CFL1: variants seen among roughly 807,000 people sequenced by gnomAD.
The protein encoded by CFL1 is cofilin-1.
Under a neutral mutation model 16.3 loss-of-function variants are expected in CFL1, and 2 were observed. That is an observed-to-expected ratio of 0.12 (90% confidence interval 0.05 to 0.39). The LOEUF (loss-of-function observed/expected upper bound fraction) is 0.39, where lower values mean the gene tolerates loss of function less well. CFL1 is among the 10% of genes least tolerant of loss of function. The pLI, the probability that CFL1 is intolerant of heterozygous loss-of-function variation, is 0.99. For synonymous variants in CFL1, 111 were observed against 84.4 expected, an observed-to-expected ratio of 1.31 and a Z score of -1.73; for missense variants, 75 against 212.2, an observed-to-expected ratio of 0.35 and a Z score of 4.02.
rs904038941 is a variant in CFL1 at position 65,854,902 on chromosome 11, C to G, written c.*434G>C. Reference sequence around the variant, plus strand: ...GTGACCAGGGGAAAAGGGAGAGGAACCAGCCGGCACAGGGAGGGGTCATCT... The same window carrying G: ...GTGACCAGGGGAAAAGGGAGAGGAAGCAGCCGGCACAGGGAGGGGTCATCT... On this transcript the variant is annotated 3_prime_UTR_variant, in exon 4 of 4. Coordinates refer to ENST00000308162, the MANE Select transcript of CFL1 (RefSeq NM_005507.3). 2 of 157,648 alleles carry G rather than the reference C, an allele frequency of 1.3e-5. No homozygotes were observed. The highest frequency in any genetic ancestry group is 4.8e-5 in the African/African-American group (2 of 41,402). The allele number at this position is 157,648 out of a possible 1,614,324, so 9.8% of individuals were successfully genotyped here.
intron 1 of CFL1, 52 bp from the exon 2 acceptor site, chr11:65,856,294 CTTG>C: frequency 1.3e-6 from 2 of 1,557,800 alleles, no homozygotes; most frequent in South Asian, 2.3e-5. Context: ...GGAACTGCCC[CTTG>C]TTTTTTCAGA....
At chr11:65,856,278 T>C in intron 1 of CFL1, 36 bp from the exon 2 acceptor site, 2 of 1,591,578 alleles carry the variant, frequency 1.3e-6, no homozygotes, top group African/African-American at 2.7e-5. Flanking sequence ...AAGAAAAGGA[T>C]TCTAGGGAAC....
chr11:65,856,186 C>T lies in CFL1; in HGVS notation c.60G>A (p.Val20=). Residue 20 remains valine (V), a synonymous_variant, in exon 2 of 4, where the codon GTG becomes GTA. Coordinates refer to ENST00000308162, the MANE Select transcript of CFL1 (RefSeq NM_005507.3). ...CCTCCTCTGGCGTTGAAGACTTACG[C>T]ACCTTCATGTCGTTGAACACCTTGA... ...GVIKVFNDMK[V]RKSSTPEEVK... The T allele has an allele frequency of 1.9e-6, 3 of 1,614,204 alleles. No individual in the cohort carries two copies. The highest frequency in any genetic ancestry group is 3.3e-4 in the Middle Eastern group (2 of 6,062).
chr11:65,855,206 G>C lies in CFL1; in HGVS notation c.*130C>G. ...GGTGGGGGGTCTGTTTGGCAACTGG[G>C]GTGAAGGGATTGCCCTCCCCCTGCT... On this transcript the variant is annotated 3_prime_UTR_variant, in exon 4 of 4. Coordinates refer to ENST00000308162, the MANE Select transcript of CFL1 (RefSeq NM_005507.3). 1 of 697,576 alleles carries C rather than the reference G, an allele frequency of 1.4e-6. No homozygotes were observed. The highest frequency in any genetic ancestry group is 2.5e-6 in the Non-Finnish European group (1 of 400,782). 43.2% of individuals were successfully genotyped at this position (697,576 alleles called of 1,614,324 possible).
intron 1 of CFL1, 96 bp downstream of exon 1, chr11:65,858,001 G>A: frequency 1.5e-6 from 2 of 1,327,220 alleles, no homozygotes; most frequent in Non-Finnish European, 2.0e-6. Context: ...CCGGGGCGCT[G>A]GGGGAGGGGG....
At chr11:65,856,717 C>T (rs1308701888) in intron 1 of CFL1, 1 of 182,462 alleles carries the variant, frequency 5.5e-6, no homozygotes, top group Non-Finnish European at 1.2e-5. Flanking sequence ...TACAACAAAC[C>T]CACCAGAACT....
intron 1 of CFL1, chr11:65,856,725 A>T (rs988534256): frequency 1.8e-5 from 3 of 168,108 alleles, no homozygotes; most frequent in African/African-American, 7.2e-5. Context: ...ACCCACCAGA[A>T]CTGCTTAATA....
chr11:65,855,835 C>T, intron 2 of CFL1, 100 bp downstream of exon 2: 1 of 1,504,114 alleles, frequency 6.6e-7, no homozygotes, highest in East Asian at 2.3e-5. Context: ...ACAACCCCCT[C>T]CCCCTCCAAA....
At chr11:65,856,374 C>G (rs1002667289) in intron 1 of CFL1, 132 bp from the exon 2 acceptor site, 4 of 824,274 alleles carry the variant, frequency 4.9e-6, no homozygotes, top group African/African-American at 3.4e-5. Context: ...GTTTTCCCAC[C>G]CAAGTCACTG....
Position 65,857,840 on chromosome 11 carries a change from G to A in CFL1, c.3+257C>T, listed in dbSNP as rs1329741342. ...GCGCGCGCCCCGAACCCCTCCCCCC[G>A]CGGCCGGTGTCCGCGCGGGCGCACC... On this transcript the variant is annotated intron_variant, in intron 1 of 3. Transcript: ENST00000308162. 1.8e-5 allele frequency: 5 copies of A among 276,784 alleles called. No homozygotes were observed. In the East Asian group the frequency reaches 1.9e-4, roughly 10 times the overall value. The allele number at this position is 276,784 out of a possible 1,614,324, so 17.1% of individuals were successfully genotyped here.
In CFL1 at chr11:65,855,447, C is replaced by T. The variant is rs200515388; in HGVS notation, c.390G>A (p.Gly130=). The T allele has an allele frequency of 6.1e-5, 98 of 1,613,324 alleles. 1 individual carries two copies. The highest frequency in any genetic ancestry group is 8.0e-5 in the Non-Finnish European group (94 of 1,179,696). Residue 130 remains glycine, a splice_region_variant and synonymous_variant, in exon 4 of 4, where the codon GGG becomes GGA. Coordinates refer to ENST00000308162, the MANE Select transcript of CFL1 (RefSeq NM_005507.3). Reference sequence around the variant, plus strand: ...AGTTTGCTTGCAATTCATGCTTGATCCCTATAAAGAAGAAAGGGGAGCATC... The same window carrying T: ...AGTTTGCTTGCAATTCATGCTTGATTCCTATAAAGAAGAAAGGGGAGCATC... The part of the protein sequence containing the change: ...SKDAIKKKLT[G]IKHELQANCY...
intron 1 of CFL1, chr11:65,857,474 G>T (rs1409823476): frequency 2.5e-6 from 1 of 403,532 alleles, no homozygotes; most frequent in Admixed American, 2.5e-5. Context: ...ACGGGCCGCG[G>T]TCTCTGCGAT....
rs575232788 is a variant in CFL1 at position 65,855,142 on chromosome 11, A to C, written c.*194T>G. ...AGATCAAAAGCAGTTTGGGAAGGCC[A>C]GAACCGTCAAGGGATGGAGGGAGAA... On this transcript the variant is annotated 3_prime_UTR_variant, in exon 4 of 4. Transcript: ENST00000308162. 3.2e-5 allele frequency: 18 copies of C among 565,124 alleles called. No individual in the cohort carries two copies. In the East Asian group the frequency reaches 5.4e-4, roughly 17 times the overall value. The allele number at this position is 565,124 out of a possible 1,614,324, so 35.0% of individuals were successfully genotyped here.
chr11:65,856,807 T>C (rs1859393503), intron 1 of CFL1: 2 of 155,474 alleles, frequency 1.3e-5, no homozygotes, highest in South Asian at 1.7e-4. Context: ...GCAACCCCCA[T>C]TAAGGACCCT....
chr11:65,857,375 G>T, intron 1 of CFL1: 1 of 418,390 alleles, frequency 2.4e-6, no homozygotes, highest in Admixed American at 2.5e-5. Flanking sequence ...GGCCGGGCCT[G>T]AGCGTGCGCG....
chr11:65,856,225 G>C lies in CFL1; in HGVS notation c.21C>G (p.Val7=), dbSNP rs757149210. 1.2e-6 allele frequency: 2 copies of C among 1,613,724 alleles called. No individual in the cohort carries two copies. Among genetic ancestry groups the C allele is most frequent in the African/African-American group, 1.3e-5 (1 of 75,036 alleles). The change falls in exon 2 of 4, where the codon GTC becomes GTG. Residue 7 remains valine, a synonymous_variant. Transcript: ENST00000308162. MASGVA[V]SDGVIKVFND... ...TGAACACCTTGATGACACCATCAGA[G>C]ACAGCCACACCGGAGGCCTAGGAGA... is the stretch of plus-strand genomic sequence containing the variant.
chr11:65,856,364 G>C (rs1435954921), intron 1 of CFL1, 122 bp from the exon 2 acceptor site: 5 of 914,342 alleles, frequency 5.5e-6, no homozygotes, highest in African/African-American at 1.7e-5. Flanking sequence ...CAAGTCACTA[G>C]TTTTCCCACC....
intron 2 of CFL1, 69 bp from the exon 3 acceptor site, chr11:65,855,799 G>A: frequency 1.3e-6 from 2 of 1,512,776 alleles, no homozygotes; most frequent in South Asian, 2.6e-5. Flanking sequence ...AGAAACCCTT[G>A]GGCTGGCAGT....
At chr11:65,855,800 G>C (rs1859375519) in intron 2 of CFL1, 70 bp from the exon 3 acceptor site, 1 of 1,512,100 alleles carries the variant, frequency 6.6e-7, no homozygotes, top group Non-Finnish European at 8.9e-7. Context: ...GAAACCCTTG[G>C]GCTGGCAGTG....
Sources: gnomAD v4.1 joint callset for allele counts on GRCh38, gnomAD v4.1.1 for gene constraint, MANE v1.5 for transcripts, NCBI Gene and HGNC (gene_info 2026-07-23, HGNC 2026-07-21) for gene names.